Variants in PRKCG observed in about 807,000 individuals in gnomAD.
PRKCG encodes the protein protein kinase C gamma, also known as protein kinase C gamma type.
A neutral mutation model predicts 82.0 loss-of-function variants in PRKCG; 28 were observed. That is an observed-to-expected ratio of 0.34 (90% CI 0.25 to 0.47). The LOEUF is 0.47. PRKCG is among the 20% of genes least tolerant of loss of function. The pLI is 1.00. For synonymous variants in PRKCG, 383 were observed against 376.6 expected (o/e 1.02, Z -0.20); for missense variants, 640 against 952.7 (o/e 0.67, Z 4.32).
At position 53,882,373 on chromosome 19, in the gene PRKCG, C is replaced by A; in HGVS notation, c.-122C>A. 1 of 1,454,602 alleles carries A rather than the reference C, an allele frequency of 6.9e-7. No individual in the cohort carries two copies. Among genetic ancestry groups the A allele is most frequent in the Non-Finnish European group, 9.4e-7 (1 of 1,065,708 alleles). The allele number at this position is 1,454,602 out of a possible 1,614,324, so 90.1% of individuals were successfully genotyped here. A position where few individuals can be genotyped will look rare whatever the true frequency, so the allele number is the denominator to read the frequency against. On this transcript the variant is annotated 5_prime_UTR_variant, in exon 1 of 18. Transcript: ENST00000263431. The surrounding 1 kb of genome is among the most constrained non-coding windows in gnomAD (Gnocchi z 6.1). ...CCGCACCTGGAGGTGCCTTGCCCCT[C>A]TCCTGCCCACCTCGGAATTTCCCTG...
chr19:53,898,359 C>A, intron 10 of PRKCG, 81 bp from the exon 11 acceptor site: 1 of 1,563,076 alleles, frequency 6.4e-7, no homozygotes, highest in Non-Finnish European at 8.8e-7. Context: ...ATCCCGTTTC[C>A]CTGCGTCCCT....
In PRKCG at chr19:53,889,933, C is replaced by T; in HGVS notation, c.445C>T (p.Leu149=). 1.3e-6 allele frequency: 2 copies of T among 1,582,962 alleles called. No individual in the cohort carries two copies. The highest frequency in any genetic ancestry group is 2.7e-5 in the African/African-American group (2 of 74,354). ...GCGCTGTGTGCGTAGCGTGCCCTCC[C>T]TGTGCGGTGTGGACCACACCGAGCG... ...HRRCVRSVPS[L]CGVDHTERRG... The change falls in exon 5 of 18, where the codon CTG becomes TTG. Residue 149 remains leucine, a synonymous_variant. Coordinates refer to ENST00000263431, the MANE Select transcript of PRKCG (RefSeq NM_002739.5). This position sits in a 1 kb window ranked among gnomAD's most constrained non-coding sequence, Gnocchi z 4.4.
Position 53,887,972 on chromosome 19 carries a change from A to G in PRKCG, c.286-1666A>G, listed in dbSNP as rs969565364. Among the ~76,000 whole-genome samples, 8 of 152,292 alleles carry G rather than the reference A, an allele frequency of 5.3e-5. No homozygotes were observed. The East Asian group carries it at 1.5e-3, about 29-fold the overall frequency. On this transcript the variant is annotated intron_variant, in intron 3 of 17. Transcript: ENST00000263431. ...AGGGGCAGGCGTGGTGAGGCCACCT[A>G]GCTGGGTAGGGGATAGAGGCAAGAT...
chr19:53,900,990 A>G lies in PRKCG; in HGVS notation c.1575+241A>G, dbSNP rs1001559709. Reference sequence around the variant, plus strand: ...GGCAGCACCTGTGGGTGAATGTTCCAGGAGAGTGGGACCAGCTCGTAGGAA... The same window carrying G: ...GGCAGCACCTGTGGGTGAATGTTCCGGGAGAGTGGGACCAGCTCGTAGGAA... On this transcript the variant is annotated intron_variant, in intron 14 of 17. Transcript: ENST00000263431. The surrounding 1 kb of genome is among the most constrained non-coding windows in gnomAD (Gnocchi z 4.2). Among the ~76,000 whole-genome samples, 1 of 152,206 alleles carries G rather than the reference A, an allele frequency of 6.6e-6. No homozygotes were observed. Among genetic ancestry groups the G allele is most frequent in the East Asian group, 1.9e-4 (1 of 5,190 alleles).
At position 53,889,960 on chromosome 19, in the gene PRKCG, C is replaced by T; in HGVS notation, c.472C>T (p.Arg158Cys). 6.3e-7 allele frequency: 1 copy of T among 1,576,428 alleles called. No individual in the cohort carries two copies. The highest frequency in any genetic ancestry group is 1.8e-5 in the Admixed American group (1 of 54,632). Residue 158 changes from arginine (R) to cysteine (C), a missense_variant, in exon 5 of 18, where the codon CGC (arginine) becomes TGC (cysteine). This residue lies in a region of PRKCG where 261 missense variants were observed against 312.1 expected (regional missense o/e 0.84). Coordinates refer to ENST00000263431, the MANE Select transcript of PRKCG (RefSeq NM_002739.5). This position sits in a 1 kb window ranked among gnomAD's most constrained non-coding sequence, Gnocchi z 4.4. The stretch of plus-strand genomic sequence containing the variant: ...GTGCGGTGTGGACCACACCGAGCGC[C>T]GCGGGCGCCTGCAGCTGGAGATCCG... ...SLCGVDHTER[R>C]GRLQLEIRAP... is the part of the protein sequence containing the mutation.
At chr19:53,903,457 T>C (rs1459080070) in intron 15 of PRKCG, among the ~76,000 whole-genome samples, 4 of 152,186 alleles carry the variant, frequency 2.6e-5, no homozygotes, top group Non-Finnish European at 4.4e-5. Flanking sequence ...AAACCAAGGT[T>C]CAAATCCTCA....
rs764951937 is a variant in PRKCG at position 53,892,667 on chromosome 19, G to C, written c.821+24G>C. On this transcript the variant is annotated intron_variant, in intron 7 of 17. Transcript: ENST00000263431. This position sits in a 1 kb window ranked among gnomAD's most constrained non-coding sequence, Gnocchi z 5.9. Reference sequence around the variant, plus strand: ...TGGTGAGGAGCAGGGCTGGGGCCTGGGGATGGAGCGCAATATTACCATCTC... The same window carrying C: ...TGGTGAGGAGCAGGGCTGGGGCCTGCGGATGGAGCGCAATATTACCATCTC... 1 of 1,605,324 alleles carries C rather than the reference G, an allele frequency of 6.2e-7. No homozygotes were observed. Among genetic ancestry groups the C allele is most frequent in the Non-Finnish European group, 8.5e-7 (1 of 1,178,434 alleles).
chr19:53,889,965 G>C lies in PRKCG; in HGVS notation c.477G>C (p.Gly159=), dbSNP rs1256495665. The change falls in exon 5 of 18, where the codon GGG becomes GGC. Residue 159 remains glycine (G), a synonymous_variant. Transcript: ENST00000263431. This position sits in a 1 kb window ranked among gnomAD's most constrained non-coding sequence, Gnocchi z 4.4. ...GTGTGGACCACACCGAGCGCCGCGG[G>C]CGCCTGCAGCTGGAGATCCGGGCTC... is the stretch of plus-strand genomic sequence containing the variant. ...LCGVDHTERR[G]RLQLEIRAPT... is the part of the protein sequence containing the mutation. 6.3e-7 allele frequency: 1 copy of C among 1,575,284 alleles called. No homozygotes were observed. Among genetic ancestry groups the C allele is most frequent in the Non-Finnish European group, 8.6e-7 (1 of 1,162,150 alleles).
Position 53,892,385 on chromosome 19 carries a change from G to A in PRKCG, c.687-124G>A, listed in dbSNP as rs1347955061. Reference sequence around the variant, plus strand: ...CCGGCTGGGAAGGTCAGAGGTCGGAGACCGACAAAGCAGGAGAGGAGCCCC... The same window carrying A: ...CCGGCTGGGAAGGTCAGAGGTCGGAAACCGACAAAGCAGGAGAGGAGCCCC... On this transcript the variant is annotated intron_variant, in intron 6 of 17. Transcript: ENST00000263431. This position sits in a 1 kb window ranked among gnomAD's most constrained non-coding sequence, Gnocchi z 5.9. 1.4e-6 allele frequency: 2 copies of A among 1,445,810 alleles called. No individual in the cohort carries two copies. The highest frequency in any genetic ancestry group is 2.8e-5 in the African/African-American group (2 of 71,190). The allele number at this position is 1,445,810 out of a possible 1,614,324, so 89.6% of individuals were successfully genotyped here. A position where few individuals can be genotyped will look rare whatever the true frequency, so the allele number is the denominator to read the frequency against.
intron 16 of PRKCG, among the ~76,000 whole-genome samples, chr19:53,905,116 G>T (rs1326789902): frequency 6.6e-6 from 1 of 152,106 alleles, no homozygotes; most frequent in Non-Finnish European, 1.5e-5. Flanking sequence ...TCTCTTCAGG[G>T]GTTATGGAGT....
Position 53,882,771 on chromosome 19 carries a change from C to T in PRKCG, c.170+107C>T. 6.9e-7 allele frequency: 1 copy of T among 1,444,500 alleles called. No homozygotes were observed. Among genetic ancestry groups the T allele is most frequent in the Non-Finnish European group, 9.3e-7 (1 of 1,078,392 alleles). 89.5% of individuals were successfully genotyped at this position (1,444,500 alleles called of 1,614,324 possible). A position where few individuals can be genotyped will look rare whatever the true frequency, so the allele number is the denominator to read the frequency against. ...GAAGGAGGGGGCTGTAGTCCCGACT[C>T]CCAGGTTCTAGGATGGCCAGGGAAC... On this transcript the variant is annotated intron_variant, in intron 1 of 17. Coordinates refer to ENST00000263431, the MANE Select transcript of PRKCG (RefSeq NM_002739.5). This position sits in a 1 kb window ranked among gnomAD's most constrained non-coding sequence, Gnocchi z 6.1.
In PRKCG at chr19:53,883,048, G is replaced by T; in HGVS notation, c.171-115G>T. On this transcript the variant is annotated intron_variant, in intron 1 of 17. Coordinates refer to ENST00000263431, the MANE Select transcript of PRKCG (RefSeq NM_002739.5). This position sits in a 1 kb window ranked among gnomAD's most constrained non-coding sequence, Gnocchi z 5.4. ...TAGAAAGAGGAGGTGGCCGGGGCTT[G>T]GACACCTGGGCCCTGCGGGAGGAGG... is the stretch of plus-strand genomic sequence containing the variant. 7.3e-7 allele frequency: 1 copy of T among 1,369,118 alleles called. No individual in the cohort carries two copies. Among genetic ancestry groups the T allele is most frequent in the Non-Finnish European group, 1.0e-6 (1 of 960,498 alleles). The allele number at this position is 1,369,118 out of a possible 1,614,324, so 84.8% of individuals were successfully genotyped here. A position where few individuals can be genotyped will look rare whatever the true frequency, so the allele number is the denominator to read the frequency against.
intron 11 of PRKCG, among the ~76,000 whole-genome samples, chr19:53,898,880 C>G (rs981800210): frequency 9.8e-6 from 1 of 101,694 alleles, no homozygotes. Flanking sequence ...GGTGGAGGGG[C>G]TCCTCGGGGG....
chr19:53,906,535 G>T, intron 17 of PRKCG, 78 bp downstream of exon 17: 1 of 1,573,702 alleles, frequency 6.4e-7, no homozygotes, highest in Non-Finnish European at 8.6e-7. Flanking sequence ...ACCTGTATGT[G>T]GGGGTGGGGT....
rs761065866 is a variant in PRKCG, at chr19:53,900,591, C to A, written c.1437-20C>A. On this transcript the variant is annotated intron_variant, in intron 13 of 17. Transcript: ENST00000263431. This position sits in a 1 kb window ranked among gnomAD's most constrained non-coding sequence, Gnocchi z 4.2. ...TCAACACTTCTTGCAATTCCTGCCCCACACCCCTGCATCGTCCAGGGACCT... is the reference window on the plus strand; with the variant it reads ...TCAACACTTCTTGCAATTCCTGCCCAACACCCCTGCATCGTCCAGGGACCT... 6.2e-7 allele frequency: 1 copy of A among 1,614,224 alleles called. No homozygotes were observed. Among genetic ancestry groups the A allele is most frequent in the Non-Finnish European group, 8.5e-7 (1 of 1,180,038 alleles).
intron 9 of PRKCG, among the ~76,000 whole-genome samples, chr19:53,896,679 C>G (rs562962110): frequency 6.6e-6 from 1 of 152,266 alleles, no homozygotes; most frequent in South Asian, 2.1e-4. Flanking sequence ...CTCGGCCTCC[C>G]AAAGTGCTGG....
Position 53,906,623 on chromosome 19 carries a change from CAGG to C in PRKCG, c.1906-81_1906-79del, listed in dbSNP as rs2068813801. ...GCATGAATAGAGATTCTGCAGGAGA[CAGG>C]AGATGAGACTGGGGTACACAGAGGG... On this transcript the variant is annotated intron_variant, in intron 17 of 17. Coordinates refer to ENST00000263431, the MANE Select transcript of PRKCG (RefSeq NM_002739.5). 7.0e-6 allele frequency: 11 copies of C among 1,560,334 alleles called. No homozygotes were observed. The South Asian group carries it at 1.1e-4, about 16-fold the overall frequency.
chr19:53,891,816 T>C lies in PRKCG; in HGVS notation c.672T>C (p.Asn224=). ...AAGCCACGCTAAACCCTGTGTGGAATGAGACCTTTGTGTTGTGAGTCTGGG... is the reference window on the plus strand; with the variant it reads ...AAGCCACGCTAAACCCTGTGTGGAACGAGACCTTTGTGTTGTGAGTCTGGG... ...TVKATLNPVW[N]ETFVFNLKPG... Residue 224 remains asparagine, a synonymous_variant, in exon 6 of 18, where the codon AAT becomes AAC. Coordinates refer to ENST00000263431, the MANE Select transcript of PRKCG (RefSeq NM_002739.5). 6.2e-7 allele frequency: 1 copy of C among 1,613,830 alleles called. No individual in the cohort carries two copies.
intron 5 of PRKCG, 24 bp downstream of exon 5, chr19:53,890,041 G>C (rs1419396407): frequency 4.5e-6 from 7 of 1,547,198 alleles, no homozygotes; most frequent in Non-Finnish European, 6.1e-6. Context: ...CCCTCGCCTG[G>C]CCCCGCCCCC....
Sources: gnomAD v4.1 joint callset for allele counts (sites outside exome capture counted in the v4.1 genomes callset) on GRCh38, gnomAD v4.1.1 for gene constraint, gnomAD v4.1.1 regional missense constraint, Gnocchi (gnomAD v3.1) non-coding constraint, MANE v1.5 for transcripts, NCBI Gene and HGNC (gene_info 2026-07-23, HGNC 2026-07-21) for gene names.